The following CNTNAP2 variants were observed in gnomAD, a reference collection of about 807,000 sequenced individuals.
CNTNAP2 encodes the protein contactin-associated protein-like 2.
CNTNAP2 carries 98 observed loss-of-function variants against 155.2 expected under a neutral mutation model. That is an observed-to-expected ratio of 0.63 (90% CI 0.54 to 0.75). The LOEUF is 0.75. Ranked by LOEUF, CNTNAP2 falls within the 30% of genes least tolerant of loss-of-function variation. CNTNAP2 has a pLI of 0.00. For synonymous variants in CNTNAP2, 651 were observed against 631.2 expected, an observed-to-expected ratio of 1.03 and a Z score of -0.47; for missense variants, 1,727 against 1,688.1, an observed-to-expected ratio of 1.02 and a Z score of -0.40.
intron 14 of CNTNAP2, among the ~76,000 whole-genome samples, chr7:147,930,246 T>C (rs1800475045): frequency 6.6e-6 from 1 of 151,220 alleles, no homozygotes; most frequent in South Asian, 2.1e-4. Flanking sequence ...TAAATGAAAA[T>C]AGACTAGACT....
At chr7:146,266,115 A>G (rs571112717) in intron 1 of CNTNAP2, among the ~76,000 whole-genome samples, 1 of 152,306 alleles carries the variant, frequency 6.6e-6, no homozygotes, top group Non-Finnish European at 1.5e-5. Flanking sequence ...TGTAAGCACC[A>G]GACTGAGAAC....
chr7:146,484,682 G>C (rs1042619240), intron 1 of CNTNAP2, among the ~76,000 whole-genome samples: 6 of 152,086 alleles, frequency 3.9e-5, no homozygotes, highest in Non-Finnish European at 8.8e-5. Flanking sequence ...TGTCTGCTTT[G>C]AAAGCACACT....
rs1425491229 is a variant in CNTNAP2, at chr7:147,456,052, A to C, written c.1671-29883A>C. 2.6e-5 allele frequency among the ~76,000 whole-genome samples: 4 copies of C among 152,178 alleles called. No homozygotes were observed. In the East Asian group the frequency reaches 7.7e-4, roughly 29 times the overall value. On this transcript the variant is annotated intron_variant, in intron 10 of 23. Transcript: ENST00000361727. ...GACTCCTTTGTAAACATGAGAGTGT[A>C]CTTGTATGTATGTATATGACTATAT... is the stretch of plus-strand genomic sequence containing the variant.
At chr7:147,223,051 A>C (rs2116598749) in intron 8 of CNTNAP2, among the ~76,000 whole-genome samples, 1 of 152,254 alleles carries the variant, frequency 6.6e-6, no homozygotes, top group South Asian at 2.1e-4. Context: ...ATTTTTCTCC[A>C]ATATTTGCTG....
chr7:148,192,186 A>T (rs1795209578), intron 18 of CNTNAP2, among the ~76,000 whole-genome samples: 1 of 152,224 alleles, frequency 6.6e-6, no homozygotes, highest in African/African-American at 2.4e-5. Flanking sequence ...TGGATTACAT[A>T]GTGGTGAAGT....
intron 1 of CNTNAP2, among the ~76,000 whole-genome samples, chr7:146,483,204 A>T (rs1796991729): frequency 6.8e-6 from 1 of 147,114 alleles, no homozygotes; most frequent in South Asian, 2.2e-4. Flanking sequence ...TGAACCTGGG[A>T]GGCGGAACTT....
At chr7:147,995,641 G>A (rs1397231832) in intron 15 of CNTNAP2, among the ~76,000 whole-genome samples, 1 of 151,802 alleles carries the variant, frequency 6.6e-6, no homozygotes, top group Non-Finnish European at 1.5e-5. Flanking sequence ...AGCATCCCAG[G>A]TAGCTGGGAC....
At chr7:147,196,219 C>T (rs1802796399) in intron 8 of CNTNAP2, among the ~76,000 whole-genome samples, 1 of 152,154 alleles carries the variant, frequency 6.6e-6, no homozygotes, top group Non-Finnish European at 1.5e-5. Context: ...AAATCACCTG[C>T]TGTGGTGCTT....
At chr7:146,392,003 G>T (rs1795551840) in intron 1 of CNTNAP2, among the ~76,000 whole-genome samples, 1 of 152,088 alleles carries the variant, frequency 6.6e-6, no homozygotes, top group South Asian at 2.1e-4. Flanking sequence ...AAAGAAAAAA[G>T]AAATTCATAC....
At chr7:148,394,345 G>A (rs1198003619) in intron 22 of CNTNAP2, among the ~76,000 whole-genome samples, 3 of 151,920 alleles carry the variant, frequency 2.0e-5, no homozygotes, top group Non-Finnish European at 4.4e-5. Flanking sequence ...GGACTCTCTG[G>A]TCTATTACAT....
At position 147,524,811 on chromosome 7, in the gene CNTNAP2, G is replaced by A. The variant is rs531045265; in HGVS notation, c.1778-37327G>A. Among the ~76,000 whole-genome samples the A allele has an allele frequency of 1.4e-4, 21 of 152,294 alleles. No homozygotes were observed. The East Asian group carries it at 3.7e-3, about 27-fold the overall frequency. On this transcript the variant is annotated intron_variant, in intron 11 of 23. Transcript: ENST00000361727. ...CCAGAGAATGGAGTAAAAACAAAGG[G>A]AAGGGAGAGAAACCACAGCTCTAGT...
chr7:147,149,680 T>C (rs1801786135), intron 8 of CNTNAP2, among the ~76,000 whole-genome samples: 1 of 152,126 alleles, frequency 6.6e-6, no homozygotes, highest in Non-Finnish European at 1.5e-5. Flanking sequence ...GATAGATCTC[T>C]ATCTACTGTG....
chr7:147,414,675 C>T (rs543899618), intron 10 of CNTNAP2, among the ~76,000 whole-genome samples: 3 of 152,022 alleles, frequency 2.0e-5, no homozygotes, highest in East Asian at 2.0e-4. Context: ...GGTGCGGTGG[C>T]TCACGCCTGT....
At chr7:147,587,460 T>G (rs1377414358) in intron 12 of CNTNAP2, among the ~76,000 whole-genome samples, 1 of 152,218 alleles carries the variant, frequency 6.6e-6, no homozygotes, top group Non-Finnish European at 1.5e-5. Context: ...GCATGGCTGC[T>G]TTGCTTACAT....
intron 9 of CNTNAP2, among the ~76,000 whole-genome samples, chr7:147,362,767 C>G (rs1254750003): frequency 6.6e-6 from 1 of 152,028 alleles, no homozygotes; most frequent in Admixed American, 6.6e-5. Context: ...GTCCTAGATA[C>G]AGTTTTTGGA....
intron 3 of CNTNAP2, among the ~76,000 whole-genome samples, chr7:146,958,166 A>G (rs1238393890): frequency 1.3e-5 from 2 of 152,184 alleles, no homozygotes; most frequent in African/African-American, 4.8e-5. Context: ...ATGGCACCTC[A>G]GGAAGGTGCA....
At chr7:147,403,814 T>C (rs1796958663) in intron 10 of CNTNAP2, among the ~76,000 whole-genome samples, 1 of 151,816 alleles carries the variant, frequency 6.6e-6, no homozygotes, top group Admixed American at 6.6e-5. Flanking sequence ...AAGACAGCCA[T>C]AGAGTAAGAA....
chr7:146,680,607 A>G (rs1453529791), intron 1 of CNTNAP2, among the ~76,000 whole-genome samples: 1 of 152,204 alleles, frequency 6.6e-6, no homozygotes, highest in African/African-American at 2.4e-5. Flanking sequence ...AAAAAATACA[A>G]ACCATTCAAA....
intron 3 of CNTNAP2, among the ~76,000 whole-genome samples, chr7:147,016,486 T>C (rs922357425): frequency 2.6e-5 from 4 of 152,086 alleles, no homozygotes; most frequent in African/African-American, 4.8e-5. Flanking sequence ...GTTTGGCTTA[T>C]CAGAAATCCA....
Sources: allele counts gnomAD v4.1 joint callset (sites outside exome capture counted in the v4.1 genomes callset), GRCh38; gene constraint gnomAD v4.1.1; transcripts MANE v1.5; gene names NCBI Gene and HGNC (gene_info 2026-07-23, HGNC 2026-07-21).